The following SMIM19 variants were observed in gnomAD, a reference collection of about 807,000 sequenced individuals.
SMIM19 encodes UPF0697 protein C8orf40.
SMIM19 carries 6 observed loss-of-function variants against 13.2 expected under a neutral mutation model. That is an observed-to-expected ratio of 0.45 (90% CI 0.25 to 0.90). The LOEUF is 0.90. Among genes scored for constraint, SMIM19 ranks in the 40% least tolerant of loss-of-function variants. SMIM19 has a pLI of 0.19. For synonymous variants in SMIM19, 46 were observed against 43.1 expected (o/e 1.07, Z -0.27); for missense variants, 138 against 131.0 (o/e 1.05, Z -0.26).
intron 3 of SMIM19, 140 bp downstream of exon 3, chr8:42,548,920 T>C: frequency 2.3e-6 from 2 of 887,660 alleles, no homozygotes; most frequent in Admixed American, 6.1e-5. Flanking sequence ...AATATGTTTT[T>C]CAGATACTTA....
chr8:42,552,533 G>A lies in SMIM19; in HGVS notation c.260-11G>A. ...ATTAATTTTATCTCTTCTTTTTCTT[G>A]TTGTGAATAGCAAGAAAGTACGACT... On this transcript the variant is annotated splice_polypyrimidine_tract_variant and intron_variant, in intron 3 of 3. Coordinates refer to ENST00000417410, the MANE Select transcript of SMIM19 (RefSeq NM_001135674.2). The A allele has an allele frequency of 6.2e-7, 1 of 1,613,264 alleles. No individual in the cohort carries two copies. Among genetic ancestry groups the A allele is most frequent in the East Asian group, 2.2e-5 (1 of 44,858 alleles).
intron 2 of SMIM19, 157 bp from the exon 3 acceptor site, chr8:42,548,499 T>C (rs1334883837): frequency 1.1e-6 from 1 of 877,494 alleles, no homozygotes; most frequent in Admixed American, 2.0e-5. Context: ...AAGAATACTT[T>C]GAGCCAAGGA....
intron 1 of SMIM19, among the ~76,000 whole-genome samples, chr8:42,544,395 A>G (rs1394368118): frequency 6.7e-6 from 1 of 150,098 alleles, no homozygotes. Flanking sequence ...TGGGTGACAG[A>G]GCGAGACTCT....
In SMIM19 at chr8:42,554,180, T is replaced by A. The variant is rs778752320; in HGVS notation, c.*1572T>A. ...TGAATTGACCAAACAGAATAATTCT[T>A]AACTCACAAAGGAGTTTGAGCGCAC... is the stretch of plus-strand genomic sequence containing the variant. On this transcript the variant is annotated 3_prime_UTR_variant, in exon 4 of 4. Transcript: ENST00000417410. 6.6e-6 allele frequency: 1 copy of A among 152,252 alleles called. No homozygotes were observed. Among genetic ancestry groups the A allele is most frequent in the Non-Finnish European group, 1.5e-5 (1 of 68,042 alleles). 9.4% of individuals were successfully genotyped at this position (152,252 alleles called of 1,614,324 possible). A position where few individuals can be genotyped will look rare whatever the true frequency, so the allele number is the denominator to read the frequency against.
At chr8:42,545,362 C>T (rs1166964301) in intron 1 of SMIM19, among the ~76,000 whole-genome samples, 2 of 152,174 alleles carry the variant, frequency 1.3e-5, no homozygotes, top group Non-Finnish European at 2.9e-5. Context: ...ATCTTTTCAT[C>T]CCATAGCTTC....
intron 1 of SMIM19, among the ~76,000 whole-genome samples, chr8:42,545,821 C>T (rs552801831): frequency 3.0e-4 from 45 of 152,300 alleles, no homozygotes; most frequent in East Asian, 9.6e-4. Flanking sequence ...TGAGCCACCA[C>T]GCCCAGCAGA....
chr8:42,541,471 G>C (rs917942878), upstream of SMIM19: 1 of 147,250 alleles, frequency 6.8e-6, no homozygotes, highest in African/African-American at 2.5e-5. Context: ...GGCGGCACTG[G>C]GGCCGCCGCT....
chr8:42,552,714 C>G lies in SMIM19; in HGVS notation c.*106C>G. 1 of 1,338,382 alleles carries G rather than the reference C, an allele frequency of 7.5e-7. No homozygotes were observed. The highest frequency in any genetic ancestry group is 1.0e-6 in the Non-Finnish European group (1 of 954,992). The allele number at this position is 1,338,382 out of a possible 1,614,324, so 82.9% of individuals were successfully genotyped here. A position where few individuals can be genotyped will look rare whatever the true frequency, so the allele number is the denominator to read the frequency against. Reference sequence around the variant, plus strand: ...TTTCTGTCTGCATAAAATTATTTTACTTGTAACTTTTCCCCAATTGTTCTG... The same window carrying G: ...TTTCTGTCTGCATAAAATTATTTTAGTTGTAACTTTTCCCCAATTGTTCTG... On this transcript the variant is annotated 3_prime_UTR_variant, in exon 4 of 4. Coordinates refer to ENST00000417410, the MANE Select transcript of SMIM19 (RefSeq NM_001135674.2).
In SMIM19 at chr8:42,541,759, C is replaced by G. The variant is rs1163310866; in HGVS notation, c.-619C>G. 3 of 149,344 alleles carry G rather than the reference C, an allele frequency of 2.0e-5. No homozygotes were observed. The allele number at this position is 149,344 out of a possible 1,614,324, so 9.3% of individuals were successfully genotyped here. A position where few individuals can be genotyped will look rare whatever the true frequency, so the allele number is the denominator to read the frequency against. The stretch of plus-strand genomic sequence containing the variant: ...CGGTCCCCGGCGGGGCCGCGTCACC[C>G]GGCCCCGCCCCGCGCCGCCCGCCCC... On this transcript the variant is annotated 5_prime_UTR_variant, in exon 1 of 4. Coordinates refer to ENST00000417410, the MANE Select transcript of SMIM19 (RefSeq NM_001135674.2).
chr8:42,550,310 A>T (rs1369779498), intron 3 of SMIM19, among the ~76,000 whole-genome samples: 1 of 152,212 alleles, frequency 6.6e-6, no homozygotes, highest in Non-Finnish European at 1.5e-5. Flanking sequence ...AAGGTGTATC[A>T]GTTTTCTATT....
intron 1 of SMIM19, 72 bp downstream of exon 1, chr8:42,542,445 T>A (rs1009582548): frequency 1.0e-6 from 1 of 985,302 alleles, no homozygotes. Flanking sequence ...AATCCCATTT[T>A]TTGATGCAGA....
rs1458664516 is a variant in SMIM19 at position 42,541,847 on chromosome 8, A to G, written c.-531A>G. The stretch of plus-strand genomic sequence containing the variant: ...TGCCCTCGGTCCCGTGCGGTCCCCG[A>G]AACTCCGAGCACCCGCCCGGTCCCG... On this transcript the variant is annotated 5_prime_UTR_variant, in exon 1 of 4. Transcript: ENST00000417410. The G allele has an allele frequency of 1.3e-5, 2 of 151,482 alleles. No homozygotes were observed. The highest frequency in any genetic ancestry group is 6.6e-5 in the Admixed American group (1 of 15,234). 9.4% of individuals were successfully genotyped at this position (151,482 alleles called of 1,614,324 possible).
chr8:42,542,326 G>A lies in SMIM19; in HGVS notation c.-52G>A. ...ATTCAGTGACTCTGTGGACTGCCCAGCACCTGTGAATTGCTTTCCTGGATG... is the reference window on the plus strand; with the variant it reads ...ATTCAGTGACTCTGTGGACTGCCCAACACCTGTGAATTGCTTTCCTGGATG... On this transcript the variant is annotated 5_prime_UTR_variant, in exon 1 of 4. Transcript: ENST00000417410. The A allele has an allele frequency of 6.6e-6, 3 of 456,020 alleles. No homozygotes were observed. The highest frequency in any genetic ancestry group is 8.7e-6 in the Non-Finnish European group (3 of 346,212). 28.2% of individuals were successfully genotyped at this position (456,020 alleles called of 1,614,324 possible). A position where few individuals can be genotyped will look rare whatever the true frequency, so the allele number is the denominator to read the frequency against.
At chr8:42,552,056 T>G (rs532114581) in intron 3 of SMIM19, among the ~76,000 whole-genome samples, 3 of 152,214 alleles carry the variant, frequency 2.0e-5, no homozygotes, top group South Asian at 4.2e-4. Context: ...GCATCAGCAG[T>G]GTTGAGAAAT....
chr8:42,552,129 A>G (rs1173466341), intron 3 of SMIM19, among the ~76,000 whole-genome samples: 1 of 152,112 alleles, frequency 6.6e-6, no homozygotes, highest in Non-Finnish European at 1.5e-5. Flanking sequence ...ATTCTAGACT[A>G]ATTACTTAGC....
At position 42,555,186 on chromosome 8, in the gene SMIM19, A is replaced by C. The variant is rs977214636; in HGVS notation, c.*2578A>C. The C allele has an allele frequency of 1.3e-5, 2 of 152,248 alleles. No individual in the cohort carries two copies. The highest frequency in any genetic ancestry group is 4.8e-5 in the African/African-American group (2 of 41,468). The allele number at this position is 152,248 out of a possible 1,614,324, so 9.4% of individuals were successfully genotyped here. ...TAACCTAGAAAATAAAGGGAGAAGGAATAAAAGAACGTGGTATAGAGCCAA... is the reference window on the plus strand; with the variant it reads ...TAACCTAGAAAATAAAGGGAGAAGGCATAAAAGAACGTGGTATAGAGCCAA... On this transcript the variant is annotated 3_prime_UTR_variant, in exon 4 of 4. Coordinates refer to ENST00000417410, the MANE Select transcript of SMIM19 (RefSeq NM_001135674.2).
chr8:42,554,454 T>C lies in SMIM19; in HGVS notation c.*1846T>C, dbSNP rs1554580930. ...TAAAATTAATGTACATAAATAAACGTAAGTCACACAATGAATTTCCTTTGT... is the reference window on the plus strand; with the variant it reads ...TAAAATTAATGTACATAAATAAACGCAAGTCACACAATGAATTTCCTTTGT... On this transcript the variant is annotated 3_prime_UTR_variant, in exon 4 of 4. Transcript: ENST00000417410. The C allele has an allele frequency of 6.6e-6, 1 of 152,218 alleles. No homozygotes were observed. Among genetic ancestry groups the C allele is most frequent in the Non-Finnish European group, 1.5e-5 (1 of 68,034 alleles). 9.4% of individuals were successfully genotyped at this position (152,218 alleles called of 1,614,324 possible). A position where few individuals can be genotyped will look rare whatever the true frequency, so the allele number is the denominator to read the frequency against.
rs2131502490 is a variant in SMIM19 at position 42,554,592 on chromosome 8, T to G, written c.*1984T>G. ...TCTCCGTTTTTTCCTTAAAGCAAAC[T>G]GATGGGAATTGCACACACCCCACTG... On this transcript the variant is annotated 3_prime_UTR_variant, in exon 4 of 4. Transcript: ENST00000417410. 6.6e-6 allele frequency: 1 copy of G among 152,250 alleles called. No individual in the cohort carries two copies. The highest frequency in any genetic ancestry group is 2.1e-4 in the South Asian group (1 of 4,818). The allele number at this position is 152,250 out of a possible 1,614,324, so 9.4% of individuals were successfully genotyped here. A position where few individuals can be genotyped will look rare whatever the true frequency, so the allele number is the denominator to read the frequency against.
chr8:42,550,751 T>G (rs1378494852), intron 3 of SMIM19, among the ~76,000 whole-genome samples: 1 of 152,098 alleles, frequency 6.6e-6, no homozygotes, highest in Non-Finnish European at 1.5e-5. Flanking sequence ...AGGCACAGAT[T>G]ATGGGTTAAG....
Sources: gnomAD v4.1 joint callset for allele counts (sites outside exome capture counted in the v4.1 genomes callset) on GRCh38, gnomAD v4.1.1 for gene constraint, MANE v1.5 for transcripts, NCBI Gene and HGNC (gene_info 2026-07-23, HGNC 2026-07-21) for gene names.